GRAMD1B: variants seen among roughly 807,000 people sequenced by gnomAD.
The protein encoded by GRAMD1B is GRAM domain containing 1B.
Under a neutral mutation model 99.7 loss-of-function variants are expected in GRAMD1B, and 37 were observed. The ratio of observed to expected loss-of-function variants is 0.37; its 90% CI spans 0.29 to 0.49. GRAMD1B has a LOEUF of 0.49. Among genes scored for constraint, GRAMD1B ranks in the 20% least tolerant of loss-of-function variants. The pLI, the probability that GRAMD1B is intolerant of heterozygous loss-of-function variation, is 0.98. For missense variants in GRAMD1B, 888 were observed against 1,009.2 expected, an observed-to-expected ratio of 0.88 and a Z score of 1.63; for synonymous variants, 427 against 387.6, an observed-to-expected ratio of 1.10 and a Z score of -1.19.
chr11:123,530,555 G>T (rs1318243145), intron 2 of GRAMD1B, among the ~76,000 whole-genome samples: 1 of 152,006 alleles, frequency 6.6e-6, no homozygotes, highest in East Asian at 1.9e-4. Flanking sequence ...TAATTTTTGT[G>T]TTTTTAGTAG....
intron 1 of GRAMD1B, among the ~76,000 whole-genome samples, chr11:123,453,295 T>G (rs1415630691): frequency 6.6e-6 from 1 of 151,838 alleles, no homozygotes; most frequent in Non-Finnish European, 1.5e-5. Flanking sequence ...ATATTAAATA[T>G]AAGTATATAT....
rs376060088 is a variant in GRAMD1B, at chr11:123,399,012, A to G, written c.-176+40213A>G. ...AACAATATTGTTAACTGCAGGCACT[A>G]TGCTGCCCAGGAGATGTCTAGGACT... On this transcript the variant is annotated intron_variant, in intron 1 of 20. Coordinates refer to the GRAMD1B transcript ENST00000638157. 5.9e-5 allele frequency among the ~76,000 whole-genome samples: 9 copies of G among 152,304 alleles called. No individual in the cohort carries two copies. The East Asian group carries it at 1.3e-3, about 23-fold the overall frequency.
chr11:123,470,074 T>A (rs773242362), intron 1 of GRAMD1B, among the ~76,000 whole-genome samples: 1 of 152,172 alleles, frequency 6.6e-6, no homozygotes, highest in Non-Finnish European at 1.5e-5. Context: ...ACACCCTAGA[T>A]GAGCTTACTA....
At chr11:123,536,519 C>T (rs1033066264) in intron 2 of GRAMD1B, among the ~76,000 whole-genome samples, 5 of 152,214 alleles carry the variant, frequency 3.3e-5, no homozygotes, top group East Asian at 3.9e-4. Flanking sequence ...TGAAATAATT[C>T]GTGTTGATGC....
chr11:123,372,077 G>A (rs531855400), intron 1 of GRAMD1B, among the ~76,000 whole-genome samples: 2 of 152,274 alleles, frequency 1.3e-5, no homozygotes, highest in South Asian at 4.1e-4. Flanking sequence ...GTTTTCAAAT[G>A]TCCTTTCTTT....
chr11:123,540,741 T>TA (rs1326695794), intron 2 of GRAMD1B, among the ~76,000 whole-genome samples: 2 of 152,162 alleles, frequency 1.3e-5, no homozygotes, highest in Admixed American at 6.5e-5. Context: ...TTTTTCTATA[T>TA]ATATTATAGA....
intron 1 of GRAMD1B, among the ~76,000 whole-genome samples, chr11:123,434,062 T>G (rs1035688317): frequency 1.3e-5 from 2 of 151,680 alleles, no homozygotes; most frequent in Non-Finnish European, 2.9e-5. Flanking sequence ...AAACACCGTC[T>G]CTACTAAAAA....
intron 2 of GRAMD1B, among the ~76,000 whole-genome samples, chr11:123,562,403 G>A (rs1946870298): frequency 6.6e-6 from 1 of 152,332 alleles, no homozygotes; most frequent in East Asian, 1.9e-4. Flanking sequence ...GGGCCAGACA[G>A]TCAATACTGG....
At chr11:123,451,355 G>A (rs1352976955) in intron 1 of GRAMD1B, among the ~76,000 whole-genome samples, 5 of 152,130 alleles carry the variant, frequency 3.3e-5, no homozygotes, top group African/African-American at 1.2e-4. Context: ...GGCACTTAAG[G>A]AAATGGGGAT....
chr11:123,510,308 G>T lies in GRAMD1B; in HGVS notation c.452+29415G>T, dbSNP rs1420043133. On this transcript the variant is annotated intron_variant, in intron 2 of 19. Transcript: ENST00000635736. The surrounding 1 kb of genome is among the most constrained non-coding windows in gnomAD (Gnocchi z 4.3). ...CTGACCTGTGGGTACCAGTTGGCGG[G>T]GTGATGGGAGGGCAGGCCTCCGTCT... Among the ~76,000 whole-genome samples, 1 of 152,084 alleles carries T rather than the reference G, an allele frequency of 6.6e-6. No individual in the cohort carries two copies. Among genetic ancestry groups the T allele is most frequent in the Non-Finnish European group, 1.5e-5 (1 of 68,020 alleles).
intron 2 of GRAMD1B, among the ~76,000 whole-genome samples, chr11:123,501,994 A>G (rs1389867687): frequency 6.6e-6 from 1 of 152,234 alleles, no homozygotes; most frequent in East Asian, 1.9e-4. Flanking sequence ...AGGTATTTGC[A>G]TGAGCTACAG....
chr11:123,596,038 G>T lies in GRAMD1B; in HGVS notation c.969+1G>T. 6.4e-7 allele frequency: 1 copy of T among 1,554,122 alleles called. No individual in the cohort carries two copies. The highest frequency in any genetic ancestry group is 8.8e-7 in the Non-Finnish European group (1 of 1,130,660). Reference sequence around the variant, plus strand: ...CCAAGTTTGCACTGATTCAGAAAAGGTAAGTGGAGTCTAACTCTGGCCTTT... The same window carrying T: ...CCAAGTTTGCACTGATTCAGAAAAGTTAAGTGGAGTCTAACTCTGGCCTTT... On this transcript the variant is annotated splice_donor_variant, in intron 7 of 19. Coordinates refer to ENST00000635736, the MANE Select transcript of GRAMD1B (RefSeq NM_001387025.1). LOFTEE classifies it high-confidence loss of function.
intron 1 of GRAMD1B, among the ~76,000 whole-genome samples, chr11:123,467,829 C>CCTTCCTTCCTTCCTTCCTT: frequency 2.1e-5 from 2 of 95,124 alleles, no homozygotes; most frequent in South Asian, 5.7e-4. Context: ...TTCCCTCCCT[C>CCTTCCTTCCTTCCTTCCTT]CCTCCCTCCC....
chr11:123,457,755 C>T (rs12417308), intron 1 of GRAMD1B, among the ~76,000 whole-genome samples: 38,166 of 152,036 alleles, frequency 0.25, 5,043 homozygotes, highest in East Asian at 0.37. Context: ...CTCACTCTAT[C>T]GCCTGGGCTG....
chr11:123,480,669 C>T, intron 1 of GRAMD1B, 147 bp from the exon 2 acceptor site: 1 of 392,152 alleles, frequency 2.6e-6, no homozygotes, highest in Non-Finnish European at 4.5e-6. Context: ...TCTAACTGTG[C>T]ATTCTCTATG....
rs1187021626 is a variant in GRAMD1B, at chr11:123,618,729, C to T, written c.2355C>T (p.Phe785=). 6.9e-6 allele frequency: 11 copies of T among 1,588,296 alleles called. No homozygotes were observed. Among genetic ancestry groups the T allele is most frequent in the Admixed American group, 1.8e-5 (1 of 56,318 alleles). ...VLLVILNMML[F]YKLWMLEYTT... Reference sequence around the variant, plus strand: ...TGGTCATCCTTAACATGATGCTCTTCTACAAACTCTGGATGTTGGAATACA... The same window carrying T: ...TGGTCATCCTTAACATGATGCTCTTTTACAAACTCTGGATGTTGGAATACA... Residue 785 remains phenylalanine, a synonymous_variant, in exon 18 of 20, where the codon TTC becomes TTT. Coordinates refer to ENST00000635736, the MANE Select transcript of GRAMD1B (RefSeq NM_001387025.1).
chr11:123,500,970 G>T (rs548885615), intron 2 of GRAMD1B, among the ~76,000 whole-genome samples: 2 of 151,976 alleles, frequency 1.3e-5, no homozygotes, highest in Admixed American at 6.6e-5. Context: ...CACCATGCCT[G>T]GCAATAGATG....
At chr11:123,504,082 C>T (rs1047789645) in intron 2 of GRAMD1B, among the ~76,000 whole-genome samples, 3 of 152,146 alleles carry the variant, frequency 2.0e-5, no homozygotes, top group Non-Finnish European at 2.9e-5. Flanking sequence ...AGGCTGAGGT[C>T]GAGGTAATGT....
At chr11:123,617,395 C>T (rs942850581) in intron 17 of GRAMD1B, among the ~76,000 whole-genome samples, 3 of 152,056 alleles carry the variant, frequency 2.0e-5, no homozygotes, top group South Asian at 2.1e-4. Context: ...TGCTATGTTG[C>T]CCAGGCTGGT....
Sources: gnomAD v4.1 joint callset for allele counts (sites outside exome capture counted in the v4.1 genomes callset) on GRCh38, gnomAD v4.1.1 for gene constraint, Gnocchi (gnomAD v3.1) non-coding constraint, MANE v1.5 for transcripts, NCBI Gene and HGNC (gene_info 2026-07-23, HGNC 2026-07-21) for gene names.